TLN2: variants seen among roughly 807,000 people sequenced by gnomAD.
TLN2 encodes the protein talin 2.
In TLN2, 118 loss-of-function variants were observed where a neutral mutation model predicts 294.7. That is an observed-to-expected ratio of 0.40 (90% confidence interval 0.34 to 0.47). TLN2 has a LOEUF of 0.47. Ranked by LOEUF, TLN2 falls within the 20% of genes least tolerant of loss-of-function variation. TLN2 has a pLI of 0.84. For missense variants in TLN2, 3,083 were observed against 3,282.2 expected (o/e 0.94, Z 1.48); for synonymous variants, 1,431 against 1,304.5 (o/e 1.10, Z -2.09).
In TLN2 at chr15:62,730,421, T is replaced by G. The variant is rs1050713238; in HGVS notation, c.3358+3232T>G. Among the ~76,000 whole-genome samples, 4 of 152,168 alleles carry G rather than the reference T, an allele frequency of 2.6e-5. No individual in the cohort carries two copies. The East Asian group carries it at 7.7e-4, about 29-fold the overall frequency. ...CAGATAGTCCTTATTCATTTGGATT[T>G]CCTCCCATAGTTGCCCTTTCCATCA... On this transcript the variant is annotated intron_variant, in intron 28 of 58. Coordinates refer to ENST00000636159, the MANE Select transcript of TLN2 (RefSeq NM_015059.3).
chr15:62,584,061 A>C (rs1396873268), intron 1 of TLN2, among the ~76,000 whole-genome samples: 1 of 152,222 alleles, frequency 6.6e-6, no homozygotes, highest in Non-Finnish European at 1.5e-5. Flanking sequence ...TCATCATTTA[A>C]TTGTGAATGT....
chr15:62,409,067 C>G (rs1333340979), intron 1 of TLN2, among the ~76,000 whole-genome samples: 1 of 151,882 alleles, frequency 6.6e-6, no homozygotes, highest in Admixed American at 6.6e-5. Context: ...AACCTCTGCC[C>G]TCCAGGTTCA....
At chr15:62,686,824 C>T (rs1291469368) in intron 12 of TLN2, 28 bp downstream of exon 12, 2 of 1,610,408 alleles carry the variant, frequency 1.2e-6, no homozygotes, top group Non-Finnish European at 1.7e-6. Flanking sequence ...GCAAGGAGAG[C>T]ACTAGCGTGG....
At chr15:62,829,515 G>T (rs1405767561) in intron 54 of TLN2, 1 of 152,062 alleles carries the variant, frequency 6.6e-6, no homozygotes, top group Non-Finnish European at 1.5e-5. Context: ...GACATGTGGG[G>T]ATTATGGGAG....
chr15:62,606,225 G>A (rs976833998), intron 2 of TLN2, among the ~76,000 whole-genome samples: 1 of 150,558 alleles, frequency 6.6e-6, no homozygotes, highest in Admixed American at 6.6e-5. Context: ...GGGACTATAG[G>A]CACCCACCAC....
intron 1 of TLN2, among the ~76,000 whole-genome samples, chr15:62,522,950 A>G (rs1411664823): frequency 8.7e-6 from 1 of 114,812 alleles, no homozygotes; most frequent in Admixed American, 8.6e-5. Flanking sequence ...TTACACACAC[A>G]CACACACACA....
chr15:62,718,402 A>T (rs114868641), intron 24 of TLN2, among the ~76,000 whole-genome samples: 19 of 152,234 alleles, frequency 1.2e-4, no homozygotes, highest in African/African-American at 4.6e-4. Flanking sequence ...TGGGAGGCAT[A>T]CCTGTCTCTG....
intron 57 of TLN2, 23 bp downstream of exon 57, chr15:62,836,096 G>A (rs2069520332): frequency 6.3e-7 from 1 of 1,593,382 alleles, no homozygotes; most frequent in Non-Finnish European, 8.5e-7. Flanking sequence ...GATGCTGGTG[G>A]GAAAATACTC....
At chr15:62,564,941 T>TACAC (rs376976557) in intron 1 of TLN2, among the ~76,000 whole-genome samples, 26 of 138,294 alleles carry the variant, frequency 1.9e-4, no homozygotes, top group South Asian at 7.3e-4. Context: ...TATATATATA[T>TACAC]ACTGCATTCC....
At chr15:62,660,266 T>C (rs2053669993) in intron 9 of TLN2, among the ~76,000 whole-genome samples, 1 of 152,218 alleles carries the variant, frequency 6.6e-6, no homozygotes, top group Non-Finnish European at 1.5e-5. Context: ...TTCTTCAGAC[T>C]CTCCAGTGAT....
intron 45 of TLN2, among the ~76,000 whole-genome samples, chr15:62,785,548 AGGTTG>A (rs1319166989): frequency 6.6e-6 from 1 of 151,324 alleles, no homozygotes; most frequent in African/African-American, 2.4e-5. Flanking sequence ...GCTACTTAGA[AGGTTG>A]AGCCAGGAGA....
intron 35 of TLN2, among the ~76,000 whole-genome samples, chr15:62,753,281 A>G (rs184429283): frequency 6.6e-5 from 10 of 152,246 alleles, no homozygotes; most frequent in Admixed American, 4.6e-4. Context: ...GACCTAAGCA[A>G]TAAGGACATG....
At chr15:62,586,662 A>G (rs2045637294) in intron 1 of TLN2, among the ~76,000 whole-genome samples, 2 of 152,238 alleles carry the variant, frequency 1.3e-5, no homozygotes, top group African/African-American at 2.4e-5. Flanking sequence ...ATATAACCCA[A>G]TAAAAATAAA....
chr15:62,768,337 A>G (rs566313355), intron 41 of TLN2, among the ~76,000 whole-genome samples: 2 of 152,074 alleles, frequency 1.3e-5, no homozygotes, highest in Non-Finnish European at 1.5e-5. Flanking sequence ...ATATCTTCCT[A>G]TGGCTCCTGG....
chr15:62,671,722 T>C (rs931411958), intron 9 of TLN2, among the ~76,000 whole-genome samples: 3 of 152,238 alleles, frequency 2.0e-5, no homozygotes, highest in African/African-American at 7.2e-5. Flanking sequence ...TTTTAATTTA[T>C]TATTATGTCC....
intron 1 of TLN2, among the ~76,000 whole-genome samples, chr15:62,557,915 A>G (rs1353553833): frequency 6.6e-6 from 1 of 152,186 alleles, no homozygotes; most frequent in African/African-American, 2.4e-5. Context: ...CCTTTAAATG[A>G]AAGGTTTTGC....
intron 41 of TLN2, among the ~76,000 whole-genome samples, chr15:62,767,502 C>T (rs549621450): frequency 5.3e-5 from 8 of 152,152 alleles, no homozygotes; most frequent in East Asian, 1.9e-4. Flanking sequence ...CCACCATGCC[C>T]GGCTAATTTT....
intron 1 of TLN2, among the ~76,000 whole-genome samples, chr15:62,578,821 A>C (rs2044666265): frequency 6.6e-6 from 1 of 152,134 alleles, no homozygotes; most frequent in South Asian, 2.1e-4. Flanking sequence ...TGAGGCATGG[A>C]GGACTTAGTC....
At chr15:62,651,052 T>C (rs116513455) in intron 5 of TLN2, among the ~76,000 whole-genome samples, 1,694 of 152,358 alleles carry the variant, frequency 0.011, 30 homozygotes, top group African/African-American at 0.039. Flanking sequence ...AATGTATTTA[T>C]AGTAAAAATT....
Sources: gnomAD v4.1 joint callset for allele counts (sites outside exome capture counted in the v4.1 genomes callset) on GRCh38, gnomAD v4.1.1 for gene constraint, MANE v1.5 for transcripts, NCBI Gene and HGNC (gene_info 2026-07-23, HGNC 2026-07-21) for gene names.